RAB35: variants seen among roughly 807,000 people sequenced by gnomAD.
RAB35 encodes ras-related protein Rab-35.
RAB35 carries 4 observed loss-of-function variants against 28.9 expected under a neutral mutation model. That is an observed-to-expected ratio of 0.14 (90% CI 0.07 to 0.32). The LOEUF is 0.32. Among genes scored for constraint, RAB35 ranks in the 10% least tolerant of loss-of-function variants. The probability of loss-of-function intolerance (pLI) is 1.00; values close to 1 mark genes in which losing one functional copy is unlikely to be tolerated. For synonymous variants in RAB35, 99 were observed against 105.1 expected (o/e 0.94, Z 0.35); for missense variants, 128 against 274.0 (o/e 0.47, Z 3.76).
At chr12:120,100,209 T>A (rs920292833) in intron 3 of RAB35, among the ~76,000 whole-genome samples, 3 of 152,234 alleles carry the variant, frequency 2.0e-5, no homozygotes, top group Admixed American at 2.0e-4. Context: ...GGCTGACTTG[T>A]GGCTGCAGCT....
chr12:120,107,593 G>A (rs565822239), intron 2 of RAB35, among the ~76,000 whole-genome samples: 5 of 152,214 alleles, frequency 3.3e-5, no homozygotes, highest in East Asian at 1.9e-4. Flanking sequence ...TCAGCTGGGC[G>A]CAGTGGCTCA....
intron 2 of RAB35, among the ~76,000 whole-genome samples, 172 bp downstream of exon 2, chr12:120,108,245 T>G (rs1393602282): frequency 1.3e-5 from 2 of 152,200 alleles, no homozygotes; most frequent in Admixed American, 6.5e-5. Flanking sequence ...CAGAGGCTTC[T>G]GACAGAAGCG....
rs1368650559 is a variant in RAB35, at chr12:120,096,933, G to A, written c.*312C>T. ...AAAGCCAGAGCAGGACGTGGTGTGC[G>A]GCCGGGTAGAGCAATATACACTATG... On this transcript the variant is annotated 3_prime_UTR_variant, in exon 6 of 6. Coordinates refer to ENST00000229340, the MANE Select transcript of RAB35 (RefSeq NM_006861.7). 20 of 1,359,198 alleles carry A rather than the reference G, an allele frequency of 1.5e-5. No homozygotes were observed. The highest frequency in any genetic ancestry group is 2.9e-5 in the African/African-American group (2 of 68,582). The allele number at this position is 1,359,198 out of a possible 1,614,324, so 84.2% of individuals were successfully genotyped here. A position where few individuals can be genotyped will look rare whatever the true frequency, so the allele number is the denominator to read the frequency against.
At chr12:120,108,341 CTG>C in intron 2 of RAB35, 74 bp downstream of exon 2, 1 of 1,441,392 alleles carries the variant, frequency 6.9e-7, no homozygotes, top group South Asian at 1.2e-5. Flanking sequence ...AGAGGCAACT[CTG>C]TTTGGTGCCA....
intron 3 of RAB35, among the ~76,000 whole-genome samples, chr12:120,100,904 T>A (rs994422336): frequency 4.6e-5 from 7 of 152,222 alleles, no homozygotes; most frequent in Admixed American, 6.5e-5. Flanking sequence ...AACAGGCGAC[T>A]GTCCCCTGCC....
chr12:120,111,680 CAAAA>C (rs967845441), intron 1 of RAB35, among the ~76,000 whole-genome samples: 1 of 138,886 alleles, frequency 7.2e-6, no homozygotes, highest in Non-Finnish European at 1.6e-5. Flanking sequence ...GACTCCATCT[CAAAA>C]AAAAAAAGCC....
In RAB35 at chr12:120,097,201, G is replaced by A. The variant is rs766404373; in HGVS notation, c.*44C>T. On this transcript the variant is annotated 3_prime_UTR_variant, in exon 6 of 6. Transcript: ENST00000229340. ...GAGGAACCTCCGTGGGCCTCGGGCT[G>A]GGGGAGGGACCGCAGTGCAGTCTCT... 19 of 1,613,792 alleles carry A rather than the reference G, an allele frequency of 1.2e-5. No individual in the cohort carries two copies. Among genetic ancestry groups the A allele is most frequent in the Non-Finnish European group, 1.6e-5 (19 of 1,179,940 alleles).
chr12:120,113,745 G>A (rs1216399338), intron 1 of RAB35, among the ~76,000 whole-genome samples: 1 of 152,002 alleles, frequency 6.6e-6, no homozygotes, highest in South Asian at 2.1e-4. Context: ...GTGAACCGGG[G>A]AGGTGGAGCC....
chr12:120,111,799 C>T (rs921598119), intron 1 of RAB35, among the ~76,000 whole-genome samples: 3 of 152,112 alleles, frequency 2.0e-5, no homozygotes, highest in African/African-American at 7.2e-5. Context: ...GAAACCCACC[C>T]CAAGAAACAC....
intron 1 of RAB35, among the ~76,000 whole-genome samples, chr12:120,109,011 C>T (rs779261932): frequency 3.9e-5 from 6 of 152,218 alleles, no homozygotes; most frequent in Non-Finnish European, 7.3e-5. Context: ...ATGTCCCCGC[C>T]GGGTGGGCTG....
intron 1 of RAB35, among the ~76,000 whole-genome samples, chr12:120,110,083 A>C (rs886825749): frequency 1.3e-5 from 2 of 151,788 alleles, no homozygotes; most frequent in Non-Finnish European, 2.9e-5. Flanking sequence ...TCCAGGCCGG[A>C]CTCCTCCAGA....
At position 120,096,937 on chromosome 12, in the gene RAB35, G is replaced by C; in HGVS notation, c.*308C>G. The C allele has an allele frequency of 7.3e-7, 1 of 1,371,130 alleles. No individual in the cohort carries two copies. The highest frequency in any genetic ancestry group is 1.4e-5 in the African/African-American group (1 of 69,088). 84.9% of individuals were successfully genotyped at this position (1,371,130 alleles called of 1,614,324 possible). A position where few individuals can be genotyped will look rare whatever the true frequency, so the allele number is the denominator to read the frequency against. ...CCAGAGCAGGACGTGGTGTGCGGCC[G>C]GGTAGAGCAATATACACTATGTACA... On this transcript the variant is annotated 3_prime_UTR_variant, in exon 6 of 6. Coordinates refer to ENST00000229340, the MANE Select transcript of RAB35 (RefSeq NM_006861.7).
chr12:120,113,269 T>G (rs1566288749), intron 1 of RAB35, among the ~76,000 whole-genome samples: 1 of 150,756 alleles, frequency 6.6e-6, no homozygotes, highest in African/African-American at 2.5e-5. Context: ...GTTCAAGTGT[T>G]CCTCCCGCCT....
Position 120,096,639 on chromosome 12 carries a change from A to T in RAB35, c.*606T>A, listed in dbSNP as rs1285853532. On this transcript the variant is annotated 3_prime_UTR_variant, in exon 6 of 6. Coordinates refer to ENST00000229340, the MANE Select transcript of RAB35 (RefSeq NM_006861.7). ...GGCCTGCCTTGAGACCAGGTTCCCC[A>T]GCTCCCAGAATGGCTGTGGGGACAG... is the stretch of plus-strand genomic sequence containing the variant. 7.8e-7 allele frequency: 1 copy of T among 1,289,888 alleles called. No homozygotes were observed. The allele number at this position is 1,289,888 out of a possible 1,614,324, so 79.9% of individuals were successfully genotyped here. A position where few individuals can be genotyped will look rare whatever the true frequency, so the allele number is the denominator to read the frequency against.
At chr12:120,099,240 G>T in intron 3 of RAB35, 86 bp from the exon 4 acceptor site, 1 of 1,557,202 alleles carries the variant, frequency 6.4e-7, no homozygotes, top group Non-Finnish European at 8.7e-7. Context: ...TCAGGACACT[G>T]ACCCGGAAAA....
Position 120,097,305 on chromosome 12 carries a change from T to TTGC in RAB35, c.543_545dup (p.Gln184dup). On this transcript the variant is annotated inframe_insertion, in exon 6 of 6. Coordinates refer to ENST00000229340, the MANE Select transcript of RAB35 (RefSeq NM_006861.7). ...TGAGCTTCACCACATCGTTCTGTTG[T>TTGC]TGCTGCTGCTGTTTTGCCAGGTTGT... The TTGC allele has an allele frequency of 6.2e-7, 1 of 1,613,912 alleles. No homozygotes were observed. Among genetic ancestry groups the TTGC allele is most frequent in the South Asian group, 1.1e-5 (1 of 91,064 alleles).
chr12:120,115,616 A>G (rs1285763102), intron 1 of RAB35, among the ~76,000 whole-genome samples: 1 of 152,194 alleles, frequency 6.6e-6, no homozygotes, highest in African/African-American at 2.4e-5. Flanking sequence ...AAACCAGTCT[A>G]CCTTTTCGAA....
At chr12:120,113,044 C>T (rs1324488627) in intron 1 of RAB35, among the ~76,000 whole-genome samples, 1 of 151,878 alleles carries the variant, frequency 6.6e-6, no homozygotes. Flanking sequence ...GTGCGTACCA[C>T]CACACCCAAC....
intron 1 of RAB35, among the ~76,000 whole-genome samples, chr12:120,113,422 G>C (rs1472057410): frequency 2.6e-5 from 4 of 152,148 alleles, no homozygotes; most frequent in Non-Finnish European, 5.9e-5. Context: ...GTCAAGTGAA[G>C]GGCTAACTCC....
Sources: gnomAD v4.1 joint callset for allele counts (sites outside exome capture counted in the v4.1 genomes callset) on GRCh38, gnomAD v4.1.1 for gene constraint, MANE v1.5 for transcripts, NCBI Gene and HGNC (gene_info 2026-07-23, HGNC 2026-07-21) for gene names.